Variants in PCDHGB3 observed in about 807,000 individuals in gnomAD.
PCDHGB3 encodes protocadherin gamma-B3.
A neutral mutation model predicts 59.2 loss-of-function variants in PCDHGB3; 40 were observed. The observed-to-expected ratio is 0.68, with a 90% CI of 0.52 to 0.88. PCDHGB3 has a LOEUF of 0.88. PCDHGB3 is among the 40% of genes least tolerant of loss of function. The pLI, the probability that PCDHGB3 is intolerant of heterozygous loss-of-function variation, is 0.00. For synonymous variants in PCDHGB3, 581 were observed against 503.6 expected (o/e 1.15, Z -2.06); for missense variants, 1,309 against 1,187.9 (o/e 1.10, Z -1.50).
At chr5:141,497,741 G>A (rs767561907) in intron 2 of PCDHGB3, among the ~76,000 whole-genome samples, 24 of 152,050 alleles carry the variant, frequency 1.6e-4, no homozygotes, top group Non-Finnish European at 2.6e-4. Context: ...GTTTCGCCAC[G>A]TTGGCCAGGC....
chr5:141,494,746 C>A lies in PCDHGB3; in HGVS notation c.2416-61C>A. 3 of 1,613,088 alleles carry A rather than the reference C, an allele frequency of 1.9e-6. No individual in the cohort carries two copies. The South Asian group carries it at 3.3e-5, about 18-fold the overall frequency. On this transcript the variant is annotated intron_variant, in intron 1 of 3. Coordinates refer to ENST00000576222, the MANE Select transcript of PCDHGB3 (RefSeq NM_018924.5). ...TTCTCTCCCGGCCCATCCCTAGGGG[C>A]TCGGGTGACATTCTAACTTCTCACG...
At position 141,413,783 on chromosome 5, in the gene PCDHGB3, C is replaced by T. The variant is rs1418394305; in HGVS notation, c.2415+40974C>T. 3.7e-6 allele frequency: 6 copies of T among 1,613,096 alleles called. No individual in the cohort carries two copies. Among genetic ancestry groups the T allele is most frequent in the Non-Finnish European group, 4.2e-6 (5 of 1,179,878 alleles). On this transcript the variant is annotated intron_variant, in intron 1 of 3. Coordinates refer to ENST00000576222, the MANE Select transcript of PCDHGB3 (RefSeq NM_018924.5). ...TACCCGGAGCTGGTACTGGAGCACT[C>T]CCTAGATCGCGAGGAAGAGGCCATT...
At chr5:141,460,981 G>GTATA (rs1491204135) in intron 1 of PCDHGB3, among the ~76,000 whole-genome samples, 10 of 121,884 alleles carry the variant, frequency 8.2e-5, no homozygotes, top group African/African-American at 3.1e-4. Context: ...GTGTGTGTGT[G>GTATA]TGTATATATA....
chr5:141,392,280 G>A (rs1299678398), intron 1 of PCDHGB3: 3 of 152,190 alleles, frequency 2.0e-5, no homozygotes, highest in African/African-American at 7.2e-5. Context: ...AAAGCTTAGA[G>A]CACAATGGGA....
At chr5:141,384,479 A>T (rs1457273587) in intron 1 of PCDHGB3, 2 of 1,614,064 alleles carry the variant, frequency 1.2e-6, no homozygotes, top group South Asian at 2.2e-5. Context: ...CAGTTGAGAG[A>T]ACTACAACTA....
At chr5:141,506,597 C>T (rs937487600) in intron 3 of PCDHGB3, among the ~76,000 whole-genome samples, 4 of 152,150 alleles carry the variant, frequency 2.6e-5, no homozygotes, top group Admixed American at 6.5e-5. Context: ...ACAGTATTAA[C>T]GGATCTCATT....
intron 1 of PCDHGB3, among the ~76,000 whole-genome samples, chr5:141,448,712 G>A (rs1439461223): frequency 1.3e-5 from 2 of 152,004 alleles, no homozygotes; most frequent in African/African-American, 2.4e-5. Flanking sequence ...AGGCCGAGGC[G>A]GGAGGATCAC....
intron 1 of PCDHGB3, chr5:141,416,446 G>A (rs192789193): frequency 8.5e-5 from 13 of 152,284 alleles, no homozygotes; most frequent in East Asian, 5.8e-4. Context: ...GTAAATATGG[G>A]TTGGGAAGAC....
intron 3 of PCDHGB3, among the ~76,000 whole-genome samples, chr5:141,507,582 T>G (rs1221383898): frequency 6.6e-6 from 1 of 152,264 alleles, no homozygotes; most frequent in Non-Finnish European, 1.5e-5. Flanking sequence ...AGATGCCAAG[T>G]TGGCCTCTTG....
In PCDHGB3 at chr5:141,433,032, C is replaced by T. The variant is rs751061646; in HGVS notation, c.2415+60223C>T. The T allele has an allele frequency of 2.5e-6, 4 of 1,614,188 alleles. No homozygotes were observed. Among genetic ancestry groups the T allele is most frequent in the African/African-American group, 2.7e-5 (2 of 75,058 alleles). On this transcript the variant is annotated intron_variant, in intron 1 of 3. Transcript: ENST00000576222. ...CTGCAGACCTATTCCCACGAGGTTTCCCTCACCACGGACTCGCGGAAGAGT... is the reference window on the plus strand; with the variant it reads ...CTGCAGACCTATTCCCACGAGGTTTTCCTCACCACGGACTCGCGGAAGAGT...
Position 141,375,441 on chromosome 5 carries a change from C to T in PCDHGB3, c.2415+2632C>T, listed in dbSNP as rs904228732. 4.3e-6 allele frequency: 7 copies of T among 1,613,912 alleles called. No individual in the cohort carries two copies. The highest frequency in any genetic ancestry group is 1.7e-5 in the Admixed American group (1 of 60,012). ...ACCAACGACAACCCGCCCACCTTCC[C>T]CCATTCATCCTACTCAGTCTATGTC... is the stretch of plus-strand genomic sequence containing the variant. On this transcript the variant is annotated intron_variant, in intron 1 of 3. Transcript: ENST00000576222.
Position 141,432,849 on chromosome 5 carries a change from T to G in PCDHGB3, c.2415+60040T>G. The G allele has an allele frequency of 1.2e-6, 2 of 1,614,194 alleles. No homozygotes were observed. The highest frequency in any genetic ancestry group is 2.2e-5 in the South Asian group (2 of 91,092). ...CTCACTCTGTACCTGGTGGTAGCGG[T>G]GGCCGCGGTCTCCTGCGTCTTCCTG... On this transcript the variant is annotated intron_variant, in intron 1 of 3. Coordinates refer to ENST00000576222, the MANE Select transcript of PCDHGB3 (RefSeq NM_018924.5). This position sits in a 1 kb window ranked among gnomAD's most constrained non-coding sequence, Gnocchi z 6.0.
At chr5:141,468,191 G>A (rs1420885521) in intron 1 of PCDHGB3, among the ~76,000 whole-genome samples, 1 of 151,860 alleles carries the variant, frequency 6.6e-6, no homozygotes, top group African/African-American at 2.4e-5. Flanking sequence ...TGGGCATGGT[G>A]GCGGGTGCCT....
intron 2 of PCDHGB3, among the ~76,000 whole-genome samples, chr5:141,498,004 G>C (rs1385457484): frequency 6.6e-6 from 1 of 152,316 alleles, no homozygotes; most frequent in African/African-American, 2.4e-5. Flanking sequence ...GGAGTTTACA[G>C]TGCACTGAAG....
At chr5:141,410,675 T>A in intron 1 of PCDHGB3, 1 of 1,551,642 alleles carries the variant, frequency 6.4e-7, no homozygotes, top group Non-Finnish European at 8.6e-7. Context: ...GTTTCTCATA[T>A]TTTAGGCATA....
At chr5:141,417,941 A>T (rs1319967892) in intron 1 of PCDHGB3, 1 of 1,612,890 alleles carries the variant, frequency 6.2e-7, no homozygotes, top group South Asian at 1.1e-5. Context: ...GTTCTACCCC[A>T]CGCTGTGTGA....
In PCDHGB3 at chr5:141,418,608, GC is replaced by G. The variant is rs1422456031; in HGVS notation, c.2415+45801del. On this transcript the variant is annotated intron_variant, in intron 1 of 3. Transcript: ENST00000576222. Reference sequence around the variant, plus strand: ...TTCAGCCAGGACGTGTACAGGGTTAGCCTTCGGGAAGACGTGCCTCCAGGCA... The same window carrying G: ...TTCAGCCAGGACGTGTACAGGGTTAGCTTCGGGAAGACGTGCCTCCAGGCA... 4 of 1,613,922 alleles carry G rather than the reference GC, an allele frequency of 2.5e-6. No individual in the cohort carries two copies. In the African/African-American group the frequency reaches 5.3e-5, roughly 22 times the overall value.
At position 141,509,907 on chromosome 5, in the gene PCDHGB3, C is replaced by G. The variant is rs149338646; in HGVS notation, c.2564-1040C>G. Among the ~76,000 whole-genome samples, 567 of 152,300 alleles carry G rather than the reference C, an allele frequency of 3.7e-3. 5 individuals carry two copies. Among genetic ancestry groups the G allele is most frequent in the Admixed American group, 0.011 (163 of 15,296 alleles). ...GTGACTGACTGTCCCTTCCAGCATGCGCTTAGGTACACTTGGGCCTGAATG... is the reference window on the plus strand; with the variant it reads ...GTGACTGACTGTCCCTTCCAGCATGGGCTTAGGTACACTTGGGCCTGAATG... On this transcript the variant is annotated intron_variant, in intron 3 of 3. Coordinates refer to ENST00000576222, the MANE Select transcript of PCDHGB3 (RefSeq NM_018924.5).
intron 1 of PCDHGB3, among the ~76,000 whole-genome samples, chr5:141,450,750 G>C (rs778218781): frequency 1.1e-4 from 16 of 152,002 alleles, no homozygotes; most frequent in Admixed American, 2.0e-4. Context: ...GCCTCCCAAA[G>C]TGCCGGGATT....
Sources: allele counts gnomAD v4.1 joint callset (sites outside exome capture counted in the v4.1 genomes callset), GRCh38; gene constraint gnomAD v4.1.1; non-coding constraint Gnocchi (gnomAD v3.1); transcripts MANE v1.5; gene names NCBI Gene and HGNC (gene_info 2026-07-23, HGNC 2026-07-21).